PTPRD: variants seen among roughly 807,000 people sequenced by gnomAD.
PTPRD encodes receptor-type tyrosine-protein phosphatase delta.
PTPRD carries 34 observed loss-of-function variants against 214.5 expected under a neutral mutation model. That is an observed-to-expected ratio of 0.16 (90% confidence interval 0.12 to 0.21). PTPRD has a LOEUF of 0.21. Among genes scored for constraint, PTPRD ranks in the 10% least tolerant of loss-of-function variants. The pLI is 1.00. For synonymous variants in PTPRD, 1,128 were observed against 845.7 expected, an observed-to-expected ratio of 1.33 and a Z score of -5.79; for missense variants, 2,545 against 2,398.7, an observed-to-expected ratio of 1.06 and a Z score of -1.27.
At chr9:8,427,084 G>T (rs551527888) in intron 35 of PTPRD, among the ~76,000 whole-genome samples, 1 of 152,236 alleles carries the variant, frequency 6.6e-6, no homozygotes, top group Non-Finnish European at 1.5e-5. Context: ...TGGTGAGACT[G>T]GTCCTTAACT....
chr9:8,745,045 A>T (rs902241612), intron 11 of PTPRD, among the ~76,000 whole-genome samples: 1 of 152,202 alleles, frequency 6.6e-6, no homozygotes, highest in Non-Finnish European at 1.5e-5. Context: ...CATATATTTC[A>T]TTCAGTTATA....
intron 7 of PTPRD, among the ~76,000 whole-genome samples, chr9:9,712,461 A>C (rs561732120): frequency 1.8e-4 from 28 of 152,336 alleles, no homozygotes; most frequent in Non-Finnish European, 3.5e-4. Context: ...ACTTGCCAAA[A>C]GCATGATGCT....
intron 9 of PTPRD, among the ~76,000 whole-genome samples, chr9:9,343,107 C>G (rs966501505): frequency 2.0e-5 from 3 of 152,086 alleles, no homozygotes; most frequent in African/African-American, 7.2e-5. Flanking sequence ...GTATATGTGC[C>G]ACATTTTCTT....
At position 9,474,446 on chromosome 9, in the gene PTPRD, T is replaced by C. The variant is rs548803873; in HGVS notation, c.-236-76964A>G. On this transcript the variant is annotated intron_variant, in intron 8 of 45. Transcript: ENST00000381196. ...TCAAGGACCTTTGTGGTCCCATATATATTTTAGAATTTTTAAAAAATTTCA... is the reference window on the plus strand; with the variant it reads ...TCAAGGACCTTTGTGGTCCCATATACATTTTAGAATTTTTAAAAAATTTCA... Among the ~76,000 whole-genome samples, 36 of 152,202 alleles carry C rather than the reference T, an allele frequency of 2.4e-4. No homozygotes were observed. The South Asian group carries it at 7.3e-3, about 31-fold the overall frequency.
chr9:8,528,362 T>A, intron 15 of PTPRD: 1 of 594,610 alleles, frequency 1.7e-6, no homozygotes, highest in Non-Finnish European at 2.9e-6. Flanking sequence ...CAGTGAGCAA[T>A]GTGGATTAAA....
intron 35 of PTPRD, among the ~76,000 whole-genome samples, chr9:8,414,717 T>G (rs76940788): frequency 0.012 from 1,859 of 152,020 alleles, 51 homozygotes; most frequent in African/African-American, 0.043. Flanking sequence ...AGTATCCCAG[T>G]TTAGGCAAGA....
chr9:10,550,725 T>C (rs2061148595), intron 2 of PTPRD, among the ~76,000 whole-genome samples: 1 of 152,228 alleles, frequency 6.6e-6, no homozygotes, highest in Non-Finnish European at 1.5e-5. Flanking sequence ...CCATGATATG[T>C]GCTTCAGGTG....
intron 5 of PTPRD, among the ~76,000 whole-genome samples, chr9:9,778,379 A>C (rs1354328381): frequency 6.6e-6 from 1 of 152,104 alleles, no homozygotes; most frequent in East Asian, 1.9e-4. Context: ...TTCCCTGGGG[A>C]AAAGGCAGAG....
At chr9:9,205,835 T>A (rs565284373) in intron 9 of PTPRD, among the ~76,000 whole-genome samples, 2 of 152,312 alleles carry the variant, frequency 1.3e-5, no homozygotes, top group South Asian at 4.1e-4. Flanking sequence ...CTTAATAATG[T>A]CATCCCCTCA....
intron 4 of PTPRD, among the ~76,000 whole-genome samples, chr9:9,962,710 C>T (rs550511185): frequency 8.5e-4 from 129 of 152,170 alleles, no homozygotes; most frequent in African/African-American, 3.0e-3. Flanking sequence ...GTATCTACAT[C>T]TTATCACCTC....
intron 9 of PTPRD, among the ~76,000 whole-genome samples, chr9:9,374,107 T>C (rs2060197368): frequency 6.6e-6 from 1 of 152,004 alleles, no homozygotes. Flanking sequence ...CATAAAAATG[T>C]GCATCTAAAT....
At chr9:8,879,125 G>T (rs2098420342) in intron 11 of PTPRD, among the ~76,000 whole-genome samples, 1 of 152,174 alleles carries the variant, frequency 6.6e-6, no homozygotes, top group South Asian at 2.1e-4. Flanking sequence ...ATTCCAGAGA[G>T]AGGCCTGGGT....
chr9:8,847,323 GTAT>G (rs2097718020), intron 11 of PTPRD, among the ~76,000 whole-genome samples: 1 of 151,828 alleles, frequency 6.6e-6, no homozygotes, highest in Non-Finnish European at 1.5e-5. Flanking sequence ...TAATTTATAA[GTAT>G]TATTTTAAAA....
chr9:9,472,690 T>C (rs1250793952), intron 8 of PTPRD, among the ~76,000 whole-genome samples: 1 of 152,158 alleles, frequency 6.6e-6, no homozygotes, highest in Non-Finnish European at 1.5e-5. Flanking sequence ...GTGTAAAACA[T>C]CATTTTACAC....
chr9:8,408,367 A>G (rs1455564954), intron 35 of PTPRD, among the ~76,000 whole-genome samples: 1 of 151,670 alleles, frequency 6.6e-6, no homozygotes, highest in Non-Finnish European at 1.5e-5. Flanking sequence ...CCTGAGCTTG[A>G]CTCCTAGATA....
At chr9:9,067,801 G>C (rs957788860) in intron 10 of PTPRD, among the ~76,000 whole-genome samples, 3 of 151,894 alleles carry the variant, frequency 2.0e-5, no homozygotes, top group East Asian at 1.9e-4. Flanking sequence ...TATTGATCTT[G>C]TCTAGATTTT....
At chr9:9,202,821 CT>C (rs2099942665) in intron 9 of PTPRD, among the ~76,000 whole-genome samples, 1 of 152,144 alleles carries the variant, frequency 6.6e-6, no homozygotes, top group African/African-American at 2.4e-5. Flanking sequence ...TGAAGCTTGG[CT>C]TTCTTATTTC....
At chr9:9,800,447 G>C (rs933848662) in intron 5 of PTPRD, 10 of 152,288 alleles carry the variant, frequency 6.6e-5, no homozygotes, top group Admixed American at 2.0e-4. Flanking sequence ...GTGTGATCCT[G>C]AATCACAGGA....
At chr9:8,759,884 T>G (rs968634129) in intron 11 of PTPRD, among the ~76,000 whole-genome samples, 1 of 152,202 alleles carries the variant, frequency 6.6e-6, no homozygotes, top group African/African-American at 2.4e-5. Context: ...GGACTCGTGT[T>G]TGTTTGTATG....
Sources: allele counts gnomAD v4.1 joint callset (sites outside exome capture counted in the v4.1 genomes callset), GRCh38; gene constraint gnomAD v4.1.1; transcripts MANE v1.5; gene names NCBI Gene and HGNC (gene_info 2026-07-23, HGNC 2026-07-21).